IQANK1: variants seen among roughly 807,000 people sequenced by gnomAD.
IQANK1 encodes the protein IQ motif and ankyrin repeat domain-containing protein 1.
IQANK1 carries 30 observed loss-of-function variants against 22.6 expected under a neutral mutation model. That is an observed-to-expected ratio of 1.33 (90% CI 0.99 to 1.80). IQANK1 has a LOEUF of 1.80. Ranked by LOEUF, IQANK1 falls within the 40% of genes most tolerant of loss-of-function variation. The probability of loss-of-function intolerance (pLI) is 0.00; values close to 1 mark genes in which losing one functional copy is unlikely to be tolerated. For missense variants in IQANK1, 275 were observed against 235.2 expected, an observed-to-expected ratio of 1.17 and a Z score of -1.11; for synonymous variants, 122 against 99.6, an observed-to-expected ratio of 1.23 and a Z score of -1.34.
In IQANK1 at chr8:143,771,819, C is replaced by A. The variant is rs961118177; in HGVS notation, c.325C>A (p.Arg109Ser). The A allele has an allele frequency of 2.5e-6, 1 of 396,124 alleles. No individual in the cohort carries two copies. Among genetic ancestry groups the A allele is most frequent in the East Asian group, 3.6e-5 (1 of 27,896 alleles). The allele number at this position is 396,124 out of a possible 1,614,324, so 24.5% of individuals were successfully genotyped here. A position where few individuals can be genotyped will look rare whatever the true frequency, so the allele number is the denominator to read the frequency against. The part of the protein sequence containing the change: ...PQKEAYLAPV[R>S]REQEAARRLR... ...CTCCCAGGCCTACCTGGCTCCGGTG[C>A]GCCGGGAGCAGGAGGCCGCGCGGCG... is the stretch of plus-strand genomic sequence containing the variant. Residue 109 changes from arginine to serine, a missense_variant, in exon 5 of 14, where the codon CGC becomes AGC. Physicochemically the swap from Arg to Ser is moderately radical, Grantham distance 110 (BLOSUM62 -1). Transcript: ENST00000527139. The surrounding 1 kb of genome is among the most constrained non-coding windows in gnomAD (Gnocchi z 6.0).
chr8:143,788,601 G>A (rs1339621962), intron 7 of IQANK1, among the ~76,000 whole-genome samples: 5 of 152,214 alleles, frequency 3.3e-5, no homozygotes, highest in African/African-American at 1.2e-4. Context: ...TGACAGAGGC[G>A]GGAAGCCTGG....
chr8:143,761,859 ATATAT>A (rs540367605), intron 3 of IQANK1, among the ~76,000 whole-genome samples: 110 of 146,126 alleles, frequency 7.5e-4, no homozygotes, highest in African/African-American at 2.5e-3. Context: ...AAAGCATAAC[ATATAT>A]TAGGATAGAA....
At chr8:143,765,648 A>G (rs1290619354) in intron 3 of IQANK1, among the ~76,000 whole-genome samples, 1 of 152,150 alleles carries the variant, frequency 6.6e-6, no homozygotes, top group Non-Finnish European at 1.5e-5. Flanking sequence ...TTTCTTTTCC[A>G]AATTTATATG....
At chr8:143,784,261 C>T (rs1433316615) in intron 7 of IQANK1, among the ~76,000 whole-genome samples, 2 of 152,048 alleles carry the variant, frequency 1.3e-5, no homozygotes, top group African/African-American at 2.4e-5. Context: ...ATCACGGGGG[C>T]TGATTTCCCC....
At chr8:143,747,211 T>G (rs892036866) in intron 3 of IQANK1, among the ~76,000 whole-genome samples, 1 of 152,242 alleles carries the variant, frequency 6.6e-6, no homozygotes, top group Non-Finnish European at 1.5e-5. Context: ...TCAGTAGTAA[T>G]GTTCCCACTT....
intron 3 of IQANK1, among the ~76,000 whole-genome samples, chr8:143,756,230 C>T (rs781962337): frequency 9.2e-5 from 14 of 152,202 alleles, no homozygotes; most frequent in Non-Finnish European, 1.5e-4. Flanking sequence ...TTTTCTTCCA[C>T]GGATCTCTTA....
At chr8:143,748,056 A>C (rs781970567) in intron 3 of IQANK1, among the ~76,000 whole-genome samples, 2 of 150,172 alleles carry the variant, frequency 1.3e-5, no homozygotes, top group African/African-American at 4.9e-5. Flanking sequence ...GTGCAACAGC[A>C]CAATCTCGGC....
Position 143,771,756 on chromosome 8 carries a change from G to C in IQANK1, c.307-45G>C, listed in dbSNP as rs1819578784. On this transcript the variant is annotated intron_variant, in intron 4 of 13. Transcript: ENST00000527139. The surrounding 1 kb of genome is among the most constrained non-coding windows in gnomAD (Gnocchi z 6.0). ...CGTGGACCGTGGCCTCGGGGCTCGGGGCGGTGGCGCGGAGTGGGCGGTGAC... is the reference window on the plus strand; with the variant it reads ...CGTGGACCGTGGCCTCGGGGCTCGGCGCGGTGGCGCGGAGTGGGCGGTGAC... The C allele has an allele frequency of 2.5e-6, 1 of 397,568 alleles. No individual in the cohort carries two copies. The highest frequency in any genetic ancestry group is 4.4e-5 in the Admixed American group (1 of 22,664). The allele number at this position is 397,568 out of a possible 1,614,324, so 24.6% of individuals were successfully genotyped here. A position where few individuals can be genotyped will look rare whatever the true frequency, so the allele number is the denominator to read the frequency against.
At chr8:143,772,283 C>T (rs1024514481) in intron 6 of IQANK1, 40 bp downstream of exon 6, 7 of 397,932 alleles carry the variant, frequency 1.8e-5, no homozygotes, top group East Asian at 1.1e-4. Context: ...CTGAGGGGCG[C>T]GGTCCAGGGC....
intron 7 of IQANK1, among the ~76,000 whole-genome samples, chr8:143,773,010 C>T (rs1485928810): frequency 2.0e-5 from 3 of 152,182 alleles, no homozygotes; most frequent in Non-Finnish European, 4.4e-5. Context: ...TTAGAAAGGA[C>T]AGTCTGGCTG....
chr8:143,785,098 A>G (rs1046066673), intron 7 of IQANK1, among the ~76,000 whole-genome samples: 1 of 150,730 alleles, frequency 6.6e-6, no homozygotes, highest in African/African-American at 2.5e-5. Context: ...GCTAAAATCA[A>G]TCTAGTCTCT....
chr8:143,742,546 A>G (rs946147279), intron 3 of IQANK1: 8 of 455,956 alleles, frequency 1.8e-5, no homozygotes, highest in Non-Finnish European at 3.1e-5. Context: ...CCACCACGCA[A>G]TAGATGGCTG....
intron 3 of IQANK1, among the ~76,000 whole-genome samples, chr8:143,748,807 C>CATATAAAT (rs1554627598): frequency 1.2e-4 from 5 of 40,142 alleles, no homozygotes; most frequent in Non-Finnish European, 2.8e-4. Flanking sequence ...AAATATATAT[C>CATATAAAT]ATATAAATAT....
At chr8:143,789,931 G>T in intron 11 of IQANK1, 40 bp from the exon 12 acceptor site, 3 of 1,231,964 alleles carry the variant, frequency 2.4e-6, no homozygotes, top group Non-Finnish European at 3.0e-6. Flanking sequence ...GGGGTCCGGC[G>T]TCGGGCTTGC....
At position 143,771,183 on chromosome 8, in the gene IQANK1, C is replaced by T. The variant is rs1819563257; in HGVS notation, c.176-305C>T. Among the ~76,000 whole-genome samples, 2 of 152,214 alleles carry T rather than the reference C, an allele frequency of 1.3e-5. No individual in the cohort carries two copies. Among genetic ancestry groups the T allele is most frequent in the Admixed American group, 1.3e-4 (2 of 15,292 alleles). ...AAGGGTGTCCCGCGGGGGACAGCAC[C>T]CCTTCCTCACCGTTCCTCGGGGCTC... On this transcript the variant is annotated intron_variant, in intron 3 of 13. Coordinates refer to ENST00000527139, the MANE Select transcript of IQANK1 (RefSeq NM_001381874.1). This position sits in a 1 kb window ranked among gnomAD's most constrained non-coding sequence, Gnocchi z 6.0.
chr8:143,773,323 A>G (rs1480034063), intron 7 of IQANK1, among the ~76,000 whole-genome samples: 11 of 137,856 alleles, frequency 8.0e-5, no homozygotes, highest in African/African-American at 1.2e-4. Flanking sequence ...AAAACAAAAA[A>G]AACACAAAAA....
intron 3 of IQANK1, among the ~76,000 whole-genome samples, chr8:143,749,939 TTTTTTTGATA>T (rs1176889315): frequency 6.6e-6 from 1 of 151,844 alleles, no homozygotes. Context: ...TATATTGAAC[TTTTTTTGATA>T]TATAATGTCC....
At chr8:143,763,238 A>G (rs1369061680) in intron 3 of IQANK1, among the ~76,000 whole-genome samples, 1 of 152,074 alleles carries the variant, frequency 6.6e-6, no homozygotes, top group Non-Finnish European at 1.5e-5. Flanking sequence ...CTGGTCTCAA[A>G]GTCCTGACCT....
In IQANK1 at chr8:143,790,385, A is replaced by G; in HGVS notation, c.1460A>G (p.Glu487Gly). The G allele has an allele frequency of 1.0e-6, 1 of 957,996 alleles. No homozygotes were observed. The highest frequency in any genetic ancestry group is 1.4e-6 in the Non-Finnish European group (1 of 738,656). The allele number at this position is 957,996 out of a possible 1,614,324, so 59.3% of individuals were successfully genotyped here. ...GKPLVFDLREEDLFPVVQRQL... is the reference protein window; with the variant it reads ...GKPLVFDLREGDLFPVVQRQL... ...CCGCTGGTGTTCGACCTGCGAGAGG[A>G]AGACCTGTTCCCAGTCGTGCAGCGG... Residue 487 changes from glutamate to glycine, a missense_variant, in exon 14 of 14, where the codon GAA (glutamate) becomes GGA (glycine). Physicochemically the swap from Glu to Gly is moderately conservative, Grantham distance 98 (BLOSUM62 -2). Transcript: ENST00000527139.
Sources: allele counts gnomAD v4.1 joint callset (sites outside exome capture counted in the v4.1 genomes callset), GRCh38; gene constraint gnomAD v4.1.1; non-coding constraint Gnocchi (gnomAD v3.1); transcripts MANE v1.5; gene names NCBI Gene and HGNC (gene_info 2026-07-23, HGNC 2026-07-21).